The following STX18 variants were observed in gnomAD, a reference collection of about 807,000 sequenced individuals.
The protein encoded by STX18 is syntaxin-18.
Under a neutral mutation model 50.1 loss-of-function variants are expected in STX18, and 40 were observed. That is an observed-to-expected ratio of 0.80 (90% CI 0.62 to 1.04). The LOEUF (loss-of-function observed/expected upper bound fraction) is 1.04, where lower values mean the gene tolerates loss of function less well. Among genes scored for constraint, STX18 ranks in the 50% least tolerant of loss-of-function variants. The pLI is 0.00. For missense variants in STX18, 410 were observed against 415.8 expected (o/e 0.99, Z 0.12); for synonymous variants, 158 against 151.8 (o/e 1.04, Z -0.30).
intron 1 of STX18, among the ~76,000 whole-genome samples, chr4:4,492,371 A>G (rs1728980927): frequency 6.6e-6 from 1 of 152,146 alleles, no homozygotes; most frequent in Non-Finnish European, 1.5e-5. Context: ...GTGTGCATAG[A>G]AAGTTAAGTA....
chr4:4,512,942 A>AT, intron 1 of STX18, among the ~76,000 whole-genome samples: 1 of 152,268 alleles, frequency 6.6e-6, no homozygotes, highest in African/African-American at 2.4e-5. Context: ...TTGACCAACC[A>AT]TTGCTCAGTT....
At chr4:4,519,235 G>A (rs9654059) in intron 1 of STX18, among the ~76,000 whole-genome samples, 27,718 of 152,050 alleles carry the variant, frequency 0.18, 2,566 homozygotes, top group African/African-American at 0.22. Context: ...CATTTACAGA[G>A]TTTTCCACCA....
intron 5 of STX18, among the ~76,000 whole-genome samples, chr4:4,439,519 C>T (rs1462935342): frequency 2.2e-5 from 3 of 137,402 alleles, no homozygotes; most frequent in Non-Finnish European, 3.1e-5. Context: ...CATATACATA[C>T]ACATATACTC....
intron 1 of STX18, among the ~76,000 whole-genome samples, chr4:4,489,855 A>G (rs1728867634): frequency 1.3e-5 from 2 of 152,322 alleles, no homozygotes; most frequent in Non-Finnish European, 1.5e-5. Context: ...GACTCAAATT[A>G]TATCTTTTCA....
chr4:4,538,681 T>A (rs905330169), intron 1 of STX18, among the ~76,000 whole-genome samples: 2 of 152,068 alleles, frequency 1.3e-5, no homozygotes, highest in African/African-American at 4.8e-5. Context: ...GTGAGTTAAG[T>A]AGGGTATTAT....
intron 9 of STX18, among the ~76,000 whole-genome samples, chr4:4,423,234 C>A (rs988074203): frequency 6.6e-6 from 1 of 152,254 alleles, no homozygotes; most frequent in African/African-American, 2.4e-5. Context: ...AGAACCCTGA[C>A]TGCCAGGCCT....
At chr4:4,472,272 G>A (rs1204784208) in intron 1 of STX18, among the ~76,000 whole-genome samples, 1 of 152,156 alleles carries the variant, frequency 6.6e-6, no homozygotes, top group Non-Finnish European at 1.5e-5. Flanking sequence ...TGTGATGGCT[G>A]TTTCTAGTAT....
chr4:4,479,718 A>G (rs1177932205), intron 1 of STX18, among the ~76,000 whole-genome samples: 1 of 152,214 alleles, frequency 6.6e-6, no homozygotes, highest in African/African-American at 2.4e-5. Flanking sequence ...TTCTCCATAA[A>G]ACCCATCTAC....
chr4:4,503,974 G>A (rs1238886815), intron 1 of STX18, among the ~76,000 whole-genome samples: 1 of 152,018 alleles, frequency 6.6e-6, no homozygotes. Flanking sequence ...AGATACATAT[G>A]AGCGGTTACT....
intron 1 of STX18, among the ~76,000 whole-genome samples, chr4:4,512,091 C>T (rs952534344): frequency 3.3e-5 from 5 of 151,860 alleles, no homozygotes; most frequent in South Asian, 2.1e-4. Flanking sequence ...CAAAATTGCA[C>T]GAGCCACTGG....
At chr4:4,487,869 T>G (rs1253628293) in intron 1 of STX18, among the ~76,000 whole-genome samples, 1 of 152,224 alleles carries the variant, frequency 6.6e-6, no homozygotes, top group African/African-American at 2.4e-5. Flanking sequence ...TTCTTCACTT[T>G]GGATTCCCAA....
intron 9 of STX18, 128 bp from the exon 10 acceptor site, chr4:4,421,072 T>G: frequency 1.1e-6 from 1 of 871,246 alleles, no homozygotes; most frequent in Non-Finnish European, 1.8e-6. Context: ...TTGGAGCACT[T>G]AGGACTTCAC....
At chr4:4,502,048 G>T (rs1472167831) in intron 1 of STX18, among the ~76,000 whole-genome samples, 2 of 152,228 alleles carry the variant, frequency 1.3e-5, no homozygotes, top group Non-Finnish European at 2.9e-5. Flanking sequence ...TTAATGGAAA[G>T]ATGAAGCTGC....
intron 1 of STX18, among the ~76,000 whole-genome samples, chr4:4,505,205 A>T (rs116041363): frequency 2.4e-3 from 365 of 152,340 alleles, no homozygotes; most frequent in Middle Eastern, 0.014. Flanking sequence ...TAAATCCATA[A>T]TAAATTGAAA....
At chr4:4,457,342 A>T in intron 4 of STX18, 81 bp downstream of exon 4, 1 of 1,555,424 alleles carries the variant, frequency 6.4e-7, no homozygotes, top group Non-Finnish European at 8.9e-7. Context: ...GAGATACTAC[A>T]GTCTTCAGCT....
At chr4:4,437,674 G>T (rs1242878648) in intron 6 of STX18, 1 of 968,234 alleles carries the variant, frequency 1.0e-6, no homozygotes, top group African/African-American at 1.8e-5. Context: ...GATGCTAAAG[G>T]GGACTCCCAG....
chr4:4,541,912 G>T lies in STX18; in HGVS notation c.53C>A (p.Thr18Lys), dbSNP rs762253349. The change falls in exon 1 of 11, where the codon ACG becomes AAG. Residue 18 changes from threonine to lysine, a missense_variant. Thr to Lys is a moderately conservative substitution (Grantham distance 78, BLOSUM62 -1). Coordinates refer to ENST00000306200, the MANE Select transcript of STX18 (RefSeq NM_016930.4). ...CGCCACTCCCAGCGCCTTGTTCCGC[G>T]TCTTCACGGTCTTGACGCTGGCCCG... ...LFRASVKTVK[T>K]RNKALGVAVG... 3.7e-6 allele frequency: 6 copies of T among 1,610,072 alleles called. No homozygotes were observed. Among genetic ancestry groups the T allele is most frequent in the Non-Finnish European group, 5.1e-6 (6 of 1,178,754 alleles).
intron 2 of STX18, among the ~76,000 whole-genome samples, chr4:4,469,630 A>G (rs1384765873): frequency 6.6e-6 from 1 of 152,084 alleles, no homozygotes; most frequent in African/African-American, 2.4e-5. Flanking sequence ...AAAACTGGCC[A>G]GGAATCATGA....
chr4:4,424,206 C>G (rs1449874932), intron 8 of STX18, among the ~76,000 whole-genome samples: 1 of 152,002 alleles, frequency 6.6e-6, no homozygotes, highest in Non-Finnish European at 1.5e-5. Flanking sequence ...CATGGGCTAC[C>G]CTGGGGGGCG....
Sources: gnomAD v4.1 joint callset for allele counts (sites outside exome capture counted in the v4.1 genomes callset) on GRCh38, gnomAD v4.1.1 for gene constraint, MANE v1.5 for transcripts, NCBI Gene and HGNC (gene_info 2026-07-23, HGNC 2026-07-21) for gene names.